Variants in TOP1MT observed in about 807,000 individuals in gnomAD.
The protein encoded by TOP1MT is DNA topoisomerase I, mitochondrial.
TOP1MT carries 80 observed loss-of-function variants against 73.9 expected under a neutral mutation model. The observed-to-expected ratio is 1.08, with a 90% confidence interval of 0.90 to 1.30. The LOEUF is 1.30. TOP1MT is among the 50% of genes most tolerant of loss of function. The probability of loss-of-function intolerance (pLI) is 0.00; values close to 1 mark genes in which losing one functional copy is unlikely to be tolerated. For synonymous variants in TOP1MT, 338 were observed against 326.4 expected (o/e 1.04, Z -0.38); for missense variants, 815 against 808.0 (o/e 1.01, Z -0.10).
chr8:143,340,554 G>A (rs1055233817), intron 2 of TOP1MT, among the ~76,000 whole-genome samples: 7 of 151,856 alleles, frequency 4.6e-5, no homozygotes, highest in Non-Finnish European at 8.8e-5. Flanking sequence ...GCTGGCTTCC[G>A]GCTGCCCTGA....
chr8:143,317,902 AG>A lies in TOP1MT; in HGVS notation c.1216-66del, dbSNP rs763734800. On this transcript the variant is annotated intron_variant, in intron 9 of 13. Transcript: ENST00000329245. ...GGGGCCGTCCCAGCCTCCCGCGGGA[AG>A]GAAAGGACATGTCAGCCGTTGGGTC... 73 of 1,595,308 alleles carry A rather than the reference AG, an allele frequency of 4.6e-5. No homozygotes were observed. The East Asian group carries it at 1.6e-3, about 35-fold the overall frequency.
upstream of TOP1MT, among the ~76,000 whole-genome samples, chr8:143,339,638 G>C (rs1817039962): frequency 6.6e-6 from 1 of 152,170 alleles, no homozygotes; most frequent in Admixed American, 6.5e-5. Flanking sequence ...CAGGCTCCCT[G>C]GCAACCTACA....
upstream of TOP1MT, among the ~76,000 whole-genome samples, chr8:143,335,332 G>A (rs1348334377): frequency 1.3e-5 from 2 of 152,174 alleles, no homozygotes; most frequent in African/African-American, 4.8e-5. Context: ...CCTACAAACA[G>A]CAGCACTTCC....
At chr8:143,329,726 T>A (rs763709307) in intron 2 of TOP1MT, among the ~76,000 whole-genome samples, 1 of 152,190 alleles carries the variant, frequency 6.6e-6, no homozygotes, top group Non-Finnish European at 1.5e-5. Flanking sequence ...TGCTTTCTCC[T>A]CCTTTACCAC....
At chr8:143,323,138 CCACA>C (rs1339566858) in intron 7 of TOP1MT, among the ~76,000 whole-genome samples, 1 of 101,738 alleles carries the variant, frequency 9.8e-6, no homozygotes, top group South Asian at 3.4e-4. Flanking sequence ...CACAGGCACA[CCACA>C]CACAGGCACG....
chr8:143,342,774 C>T (rs28507311), intron 2 of TOP1MT, among the ~76,000 whole-genome samples: 33,875 of 75,170 alleles, frequency 0.45, 9,731 homozygotes, highest in South Asian at 0.7. Context: ...CAGAGTCTTG[C>T]TCTATTATTA....
At chr8:143,313,712 G>A (rs558515386) in intron 12 of TOP1MT, among the ~76,000 whole-genome samples, 11 of 150,304 alleles carry the variant, frequency 7.3e-5, no homozygotes, top group South Asian at 6.4e-4. Flanking sequence ...AAAATTAGCC[G>A]GGCATGGTGG....
chr8:143,309,910 C>T (rs1301610804), intron 13 of TOP1MT, 158 bp downstream of exon 13: 4 of 1,583,820 alleles, frequency 2.5e-6, no homozygotes, highest in South Asian at 2.3e-5. Flanking sequence ...GAGCTGATGA[C>T]ACAGGACTCA....
intron 7 of TOP1MT, 134 bp from the exon 8 acceptor site, chr8:143,321,520 ACACG>A: frequency 2.9e-6 from 2 of 684,642 alleles, no homozygotes; most frequent in Non-Finnish European, 4.6e-6. Flanking sequence ...CGCACTCCAC[ACACG>A]CACGCCACAC....
chr8:143,331,246 G>A lies in TOP1MT; in HGVS notation c.216C>T (p.Asp72=), dbSNP rs2450772. The A allele has an allele frequency of 0.12, 197,398 of 1,609,386 alleles. 15,684 individuals are homozygous for A. The highest frequency in any genetic ancestry group is 0.41 in the African/African-American group (30,564 of 74,884). ...YFAPPYEPLP[D]GVRFFYEGRP... Reference sequence around the variant, plus strand: ...TACCTTCATAGAAGAAACGCACTCCGTCGGGAAGGGGCTCGTATGGGGGTG... The same window carrying A: ...TACCTTCATAGAAGAAACGCACTCCATCGGGAAGGGGCTCGTATGGGGGTG... Residue 72 remains aspartate (D), a synonymous_variant, in exon 2 of 14, where the codon GAC becomes GAT. Coordinates refer to ENST00000329245, the MANE Select transcript of TOP1MT (RefSeq NM_052963.3).
chr8:143,322,568 C>G (rs1398060883), intron 7 of TOP1MT, among the ~76,000 whole-genome samples: 17 of 125,714 alleles, frequency 1.4e-4, no homozygotes, highest in Non-Finnish European at 1.8e-4. Context: ...CACACACAGA[C>G]ACGCCACACA....
chr8:143,323,912 C>T (rs187859458), intron 7 of TOP1MT, 87 bp downstream of exon 7: 1 of 1,491,536 alleles, frequency 6.7e-7, no homozygotes, highest in Non-Finnish European at 9.2e-7. Context: ...CACACAGGCC[C>T]ACGTCGCCAC....
At position 143,309,536 on chromosome 8, in the gene TOP1MT, G is replaced by A. The variant is rs151194834; in HGVS notation, c.1711C>T (p.Arg571Trp). 3.2e-5 allele frequency: 51 copies of A among 1,613,634 alleles called. No homozygotes were observed. Among genetic ancestry groups the A allele is most frequent in the South Asian group, 5.5e-5 (5 of 91,080 alleles). ...DPRISIAWCK[R>W]FRVPVEKIYS... Reference sequence around the variant, plus strand: ...ATCTTCTCCACTGGCACCCTGAACCGCTTGCACCTGCGGGAGGCAGCATCA... The same window carrying A: ...ATCTTCTCCACTGGCACCCTGAACCACTTGCACCTGCGGGAGGCAGCATCA... Residue 571 changes from arginine (R) to tryptophan (W), a missense_variant, in exon 14 of 14, where the codon CGG becomes TGG. Around this residue, in one of 3 missense-constraint regions of TOP1MT, gnomAD observed 751 missense variants for 725.4 expected, o/e 1.04. Coordinates refer to ENST00000329245, the MANE Select transcript of TOP1MT (RefSeq NM_052963.3).
At chr8:143,347,396 C>G (rs1296964972), upstream of TOP1MT, among the ~76,000 whole-genome samples, 1 of 152,154 alleles carries the variant, frequency 6.6e-6, no homozygotes, top group Non-Finnish European at 1.5e-5. Flanking sequence ...ACCTCGTGAT[C>G]CGCCCGCCTT....
At chr8:143,329,983 G>C (rs570552127) in intron 2 of TOP1MT, among the ~76,000 whole-genome samples, 2 of 152,194 alleles carry the variant, frequency 1.3e-5, no homozygotes, top group Non-Finnish European at 2.9e-5. Context: ...TGAGAGGCTC[G>C]TGGTGGGAAC....
At chr8:143,322,476 ACAGGCACGC>A (rs1328913717) in intron 7 of TOP1MT, among the ~76,000 whole-genome samples, 2 of 127,048 alleles carry the variant, frequency 1.6e-5, no homozygotes, top group South Asian at 2.8e-4. Context: ...GGCACGCCAC[ACAGGCACGC>A]CACACGCACG....
At chr8:143,356,611 C>A, upstream of TOP1MT, among the ~76,000 whole-genome samples, 1 of 149,738 alleles carries the variant, frequency 6.7e-6, no homozygotes, top group Non-Finnish European at 1.5e-5. Flanking sequence ...CATAGTGAAA[C>A]CCCGTCTCTA....
chr8:143,314,324 G>A (rs568754948), intron 12 of TOP1MT, among the ~76,000 whole-genome samples: 6 of 152,278 alleles, frequency 3.9e-5, no homozygotes, highest in East Asian at 1.9e-4. Context: ...TTGGCCAGGT[G>A]CAGTGGCTCA....
At chr8:143,355,672 G>A (rs560476249) in intron 1 of TOP1MT, among the ~76,000 whole-genome samples, 2 of 152,180 alleles carry the variant, frequency 1.3e-5, no homozygotes, top group Non-Finnish European at 2.9e-5. Flanking sequence ...TGAGGGAGAT[G>A]CCAGACCCCC....
Sources: allele counts gnomAD v4.1 joint callset (sites outside exome capture counted in the v4.1 genomes callset), GRCh38; gene constraint gnomAD v4.1.1; regional missense constraint gnomAD v4.1.1; transcripts MANE v1.5; gene names NCBI Gene and HGNC (gene_info 2026-07-23, HGNC 2026-07-21).